Variants in ABI1 observed in about 807,000 individuals in gnomAD.
ABI1 encodes the protein Abelson interactor 1.
A neutral mutation model predicts 54.6 loss-of-function variants in ABI1; 14 were observed. The observed-to-expected ratio is 0.26, with a 90% confidence interval of 0.17 to 0.40. The LOEUF (loss-of-function observed/expected upper bound fraction) is 0.40. Ranked by LOEUF, ABI1 falls within the 10% of genes least tolerant of loss-of-function variation. The pLI is 1.00. For missense variants in ABI1, 443 were observed against 598.3 expected (o/e 0.74, Z 2.71); for synonymous variants, 194 against 209.3 (o/e 0.93, Z 0.63).
At chr10:26,796,225 G>A (rs999778481) in intron 2 of ABI1, among the ~76,000 whole-genome samples, 3 of 152,168 alleles carry the variant, frequency 2.0e-5, no homozygotes, top group Admixed American at 6.5e-5. Flanking sequence ...TAAGTTTAGA[G>A]ATCCATGTAC....
At chr10:26,769,522 G>T (rs1840389600) in intron 5 of ABI1, among the ~76,000 whole-genome samples, 1 of 151,314 alleles carries the variant, frequency 6.6e-6, no homozygotes, top group Non-Finnish European at 1.5e-5. Flanking sequence ...TGAAAACTAA[G>T]ACCTTCTTAA....
intron 7 of ABI1, among the ~76,000 whole-genome samples, chr10:26,762,730 G>C (rs778374631): frequency 7.2e-5 from 11 of 152,142 alleles, no homozygotes; most frequent in Admixed American, 1.3e-4. Context: ...ATAATGAATA[G>C]AGCTCTGACC....
At position 26,768,509 on chromosome 10, in the gene ABI1, G is replaced by A. The variant is rs187098762; in HGVS notation, c.719+343C>T. 2.4e-3 allele frequency among the ~76,000 whole-genome samples: 358 copies of A among 151,474 alleles called. 1 individual carries two copies. Among genetic ancestry groups the A allele is most frequent in the African/African-American group, 8.4e-3 (347 of 41,244 alleles). ...GCCGAGATCGCACCACTACACTCCA[G>A]CCTGGGCAACGAGAGCAAAACTCCG... On this transcript the variant is annotated intron_variant, in intron 6 of 10. Transcript: ENST00000376140.
chr10:26,798,379 G>C (rs1284217702), intron 2 of ABI1, among the ~76,000 whole-genome samples: 1 of 152,050 alleles, frequency 6.6e-6, no homozygotes, highest in African/African-American at 2.4e-5. Flanking sequence ...GGTCAGTACT[G>C]ATCAGTGATG....
intron 1 of ABI1, among the ~76,000 whole-genome samples, chr10:26,843,973 T>C (rs1383350176): frequency 5.9e-5 from 9 of 152,210 alleles, no homozygotes; most frequent in Admixed American, 2.6e-4. Flanking sequence ...ATGAACAGAA[T>C]ATGTCAGGAC....
At chr10:26,850,959 T>C (rs991377776) in intron 1 of ABI1, among the ~76,000 whole-genome samples, 7 of 151,834 alleles carry the variant, frequency 4.6e-5, no homozygotes, top group African/African-American at 1.5e-4. Context: ...CAGAGAATAA[T>C]GGGCCAGAGA....
At chr10:26,792,691 G>A (rs540494905) in intron 2 of ABI1, among the ~76,000 whole-genome samples, 1 of 152,050 alleles carries the variant, frequency 6.6e-6, no homozygotes, top group African/African-American at 2.4e-5. Context: ...ATGTTCTAAA[G>A]GAAACATTAA....
At chr10:26,751,913 T>A in intron 9 of ABI1, 130 bp from the exon 10 acceptor site, 1 of 849,900 alleles carries the variant, frequency 1.2e-6, no homozygotes, top group Non-Finnish European at 1.7e-6. Flanking sequence ...TGATTAGAAA[T>A]AAAAGCTTGG....
chr10:26,773,067 C>G (rs181206196), intron 3 of ABI1, among the ~76,000 whole-genome samples: 9 of 152,080 alleles, frequency 5.9e-5, no homozygotes, highest in Admixed American at 2.0e-4. Context: ...TTAAAAAAAT[C>G]TCACTTTGTT....
chr10:26,803,681 T>C (rs2046702445), intron 2 of ABI1, among the ~76,000 whole-genome samples: 1 of 152,218 alleles, frequency 6.6e-6, no homozygotes, highest in Non-Finnish European at 1.5e-5. Context: ...AGTGTATCCA[T>C]TCTGCTTCAA....
intron 1 of ABI1, among the ~76,000 whole-genome samples, chr10:26,858,831 A>G (rs1292291078): frequency 3.3e-5 from 5 of 152,314 alleles, no homozygotes; most frequent in African/African-American, 1.2e-4. Flanking sequence ...GCCAACACAT[A>G]GTTACCACAC....
At chr10:26,842,337 A>G (rs1020302723) in intron 1 of ABI1, among the ~76,000 whole-genome samples, 1 of 152,240 alleles carries the variant, frequency 6.6e-6, no homozygotes, top group African/African-American at 2.4e-5. Context: ...ATCCCTTATC[A>G]GATAAATGGT....
intron 1 of ABI1, among the ~76,000 whole-genome samples, chr10:26,830,393 G>A (rs769346473): frequency 6.6e-6 from 1 of 152,068 alleles, no homozygotes; most frequent in Non-Finnish European, 1.5e-5. Context: ...AGGTCATGGC[G>A]AGAGGACTGC....
chr10:26,858,553 A>AC (rs1564598105), intron 1 of ABI1, among the ~76,000 whole-genome samples: 1 of 144,954 alleles, frequency 6.9e-6, no homozygotes, highest in East Asian at 2.2e-4. Flanking sequence ...AAAAAAAAAA[A>AC]AAAAAAAAAA....
chr10:26,820,219 TGATA>T (rs1421943020), intron 2 of ABI1, among the ~76,000 whole-genome samples: 2 of 152,160 alleles, frequency 1.3e-5, no homozygotes, highest in African/African-American at 4.8e-5. Flanking sequence ...CTGTGTGAGG[TGATA>T]GATATGCTAG....
Position 26,769,094 on chromosome 10 carries a change from T to A in ABI1, c.579-102A>T, listed in dbSNP as rs538429786. 1.5e-5 allele frequency: 13 copies of A among 845,854 alleles called. No individual in the cohort carries two copies. In the East Asian group the frequency reaches 3.5e-4, roughly 23 times the overall value. 52.4% of individuals were successfully genotyped at this position (845,854 alleles called of 1,614,324 possible). ...CCCTTTGTGACCATGTATACCAGGA[T>A]TTAAAAATATATATGACAAAGTTTG... is the stretch of plus-strand genomic sequence containing the variant. On this transcript the variant is annotated intron_variant, in intron 5 of 10. Coordinates refer to ENST00000376140, the MANE Select transcript of ABI1 (RefSeq NM_001012750.3).
At chr10:26,841,377 A>G (rs2049486850) in intron 1 of ABI1, among the ~76,000 whole-genome samples, 1 of 150,270 alleles carries the variant, frequency 6.7e-6, no homozygotes, top group South Asian at 2.1e-4. Context: ...AAATTAACAT[A>G]TATATCAACC....
chr10:26,824,726 A>C (rs896750589), intron 1 of ABI1, among the ~76,000 whole-genome samples: 1 of 152,082 alleles, frequency 6.6e-6, no homozygotes, highest in Non-Finnish European at 1.5e-5. Flanking sequence ...AAAAAATCAC[A>C]TACAGGAGGA....
At chr10:26,772,613 A>C (rs1840834268) in intron 3 of ABI1, among the ~76,000 whole-genome samples, 1 of 152,156 alleles carries the variant, frequency 6.6e-6, no homozygotes, top group South Asian at 2.1e-4. Flanking sequence ...CTCCTCTATT[A>C]AGTGTTATTA....
Sources: gnomAD v4.1 joint callset for allele counts (sites outside exome capture counted in the v4.1 genomes callset) on GRCh38, gnomAD v4.1.1 for gene constraint, MANE v1.5 for transcripts, NCBI Gene and HGNC (gene_info 2026-07-23, HGNC 2026-07-21) for gene names.